Variants in LRRC37A3 observed in about 807,000 individuals in gnomAD.
LRRC37A3 encodes leucine-rich repeat-containing protein 37A3.
In LRRC37A3, 25 loss-of-function variants were observed where a neutral mutation model predicts 106.2. That is an observed-to-expected ratio of 0.24 (90% CI 0.17 to 0.33). The LOEUF (loss-of-function observed/expected upper bound fraction) is 0.33, where lower values mean the gene tolerates loss of function less well. Among genes scored for constraint, LRRC37A3 ranks in the 10% least tolerant of loss-of-function variants. The probability of loss-of-function intolerance (pLI) is 1.00; values close to 1 mark genes in which losing one functional copy is unlikely to be tolerated. For synonymous variants in LRRC37A3, 305 were observed against 635.8 expected (o/e 0.48, Z 7.83); for missense variants, 712 against 1,644.9 (o/e 0.43, Z 9.81).
Position 64,854,454 on chromosome 17 carries a change from C to T in LRRC37A3, c.*145G>A, listed in dbSNP as rs1002710477. ...CTGGGTGACTAATTAGACTGGGAAA[C>T]AAGGGCAGGAACGATGGCCCTGTGC... On this transcript the variant is annotated 3_prime_UTR_variant, in exon 15 of 15. Coordinates refer to ENST00000584306, the MANE Select transcript of LRRC37A3 (RefSeq NM_199340.5). 12 of 1,173,410 alleles carry T rather than the reference C, an allele frequency of 1.0e-5. No individual in the cohort carries two copies. The highest frequency in any genetic ancestry group is 1.6e-5 in the African/African-American group (1 of 64,484). 72.7% of individuals were successfully genotyped at this position (1,173,410 alleles called of 1,614,324 possible).
At position 64,871,680 on chromosome 17, in the gene LRRC37A3, C is replaced by A. The variant is rs1190759255; in HGVS notation, c.2907-2514G>T. 4 of 152,104 alleles carry A rather than the reference C, an allele frequency of 2.6e-5. No individual in the cohort carries two copies. In the East Asian group the frequency reaches 5.8e-4, roughly 22 times the overall value. The allele number at this position is 152,104 out of a possible 1,614,324, so 9.4% of individuals were successfully genotyped here. A position where few individuals can be genotyped will look rare whatever the true frequency, so the allele number is the denominator to read the frequency against. On this transcript the variant is annotated intron_variant, in intron 8 of 14. Coordinates refer to ENST00000584306, the MANE Select transcript of LRRC37A3 (RefSeq NM_199340.5). Reference sequence around the variant, plus strand: ...CACCATACTGATGCTGAACTTAGTGCGGACACCCAATCAGCATAGCATGCT... The same window carrying A: ...CACCATACTGATGCTGAACTTAGTGAGGACACCCAATCAGCATAGCATGCT...
At chr17:64,870,257 T>A (rs1188982661) in intron 8 of LRRC37A3, among the ~76,000 whole-genome samples, 1 of 151,938 alleles carries the variant, frequency 6.6e-6, no homozygotes, top group African/African-American at 2.4e-5. Context: ...TGCCCTGTCA[T>A]CCCCGTGCCT....
At chr17:64,855,610 A>G (rs924544394) in intron 14 of LRRC37A3, among the ~76,000 whole-genome samples, 9 of 151,146 alleles carry the variant, frequency 6.0e-5, no homozygotes, top group African/African-American at 2.2e-4. Context: ...ATGAGGGCAG[A>G]GTTCTAAGCC....
In LRRC37A3 at chr17:64,854,542, G is replaced by A. The variant is rs1972610342; in HGVS notation, c.*57C>T. 3.7e-6 allele frequency: 6 copies of A among 1,612,290 alleles called. No homozygotes were observed. The South Asian group carries it at 6.6e-5, about 18-fold the overall frequency. On this transcript the variant is annotated 3_prime_UTR_variant, in exon 15 of 15. Coordinates refer to ENST00000584306, the MANE Select transcript of LRRC37A3 (RefSeq NM_199340.5). ...TGGCTTCAGTCCTGCTTTTTTGATG[G>A]CCGTTGTTTACGCTATGTATTTTTG...
Position 64,860,955 on chromosome 17 carries a change from C to T in LRRC37A3, c.3191G>A (p.Gly1064Glu). The T allele has an allele frequency of 6.2e-7, 1 of 1,613,916 alleles. No individual in the cohort carries two copies. Among genetic ancestry groups the T allele is most frequent in the Non-Finnish European group, 8.5e-7 (1 of 1,179,896 alleles). ...TTHCPEEASV[G>E]NPEGAFMKVL... The stretch of plus-strand genomic sequence containing the variant: ...CTTCATGAACGCTCCTTCTGGATTC[C>T]CTACAGATGCTTCTTCAGCTGTCAA... Residue 1064 changes from glycine (G) to glutamate (E), a missense_variant, in exon 12 of 15, where the codon GGG becomes GAG. By Grantham distance (98) the Gly-to-Glu change is moderately conservative (BLOSUM62 -2). Transcript: ENST00000584306.
At chr17:64,861,446 G>A (rs1422346834) in intron 11 of LRRC37A3, among the ~76,000 whole-genome samples, 2 of 152,196 alleles carry the variant, frequency 1.3e-5, no homozygotes, top group Admixed American at 1.3e-4. Context: ...GCGGTCCTCT[G>A]AGAGGAGCAG....
chr17:64,864,684 CA>C (rs754956461), intron 10 of LRRC37A3, among the ~76,000 whole-genome samples: 10 of 151,548 alleles, frequency 6.6e-5, no homozygotes, highest in Non-Finnish European at 1.0e-4. Flanking sequence ...TGAATTTGGG[CA>C]AATTGTTTAA....
Position 64,859,782 on chromosome 17 carries a change from G to A in LRRC37A3, c.4364C>T (p.Ser1455Phe), listed in dbSNP as rs1383276327. ...WEYNNVGTDL[S>F]PEPKSFNYPL... ...GTAATTGAAGCTTTTGGGCTCGGGG[G>A]ACAGGTCAGTGCCCACGTTGTTGTA... Residue 1455 changes from serine to phenylalanine, a missense_variant, in exon 12 of 15, where the codon TCC becomes TTC. Transcript: ENST00000584306. The A allele has an allele frequency of 2.5e-6, 4 of 1,612,264 alleles. No homozygotes were observed. In the African/African-American group the frequency reaches 4.0e-5, roughly 16 times the overall value.
intron 2 of LRRC37A3, chr17:64,909,805 G>A (rs1255258369): frequency 2.0e-5 from 3 of 152,152 alleles, no homozygotes; most frequent in African/African-American, 7.2e-5. Context: ...TGGTCTGCAT[G>A]AATTCTGAAG....
intron 2 of LRRC37A3, among the ~76,000 whole-genome samples, chr17:64,917,642 C>T (rs1198216513): frequency 6.6e-6 from 1 of 151,904 alleles, no homozygotes; most frequent in East Asian, 1.9e-4. Flanking sequence ...GCACTGTACA[C>T]GTATAAACTA....
intron 8 of LRRC37A3, among the ~76,000 whole-genome samples, chr17:64,875,193 C>G (rs1973469410): frequency 6.6e-6 from 1 of 152,174 alleles, no homozygotes; most frequent in Non-Finnish European, 1.5e-5. Context: ...GACAGCATTG[C>G]TTAAGCCTGG....
chr17:64,866,613 TATATATATATATA>T (rs1176213293), intron 10 of LRRC37A3, among the ~76,000 whole-genome samples: 14 of 22,434 alleles, frequency 6.2e-4, no homozygotes, highest in African/African-American at 2.6e-3. Flanking sequence ...TATATATATA[TATATATATATATA>T]TATTTTTTTT....
chr17:64,882,787 T>C (rs1409317455), intron 8 of LRRC37A3, among the ~76,000 whole-genome samples: 1 of 152,182 alleles, frequency 6.6e-6, no homozygotes, highest in Non-Finnish European at 1.5e-5. Flanking sequence ...GATTTTCCTC[T>C]TATTCTTAGT....
At chr17:64,903,597 G>A (rs2143597919) in intron 2 of LRRC37A3, among the ~76,000 whole-genome samples, 1 of 128,000 alleles carries the variant, frequency 7.8e-6, no homozygotes, top group East Asian at 2.6e-4. Flanking sequence ...ACTCCAGCCT[G>A]GGCGACAGAG....
At chr17:64,875,879 G>A (rs1157263595) in intron 8 of LRRC37A3, among the ~76,000 whole-genome samples, 1 of 152,102 alleles carries the variant, frequency 6.6e-6, no homozygotes, top group African/African-American at 2.4e-5. Flanking sequence ...AAGATGTAAT[G>A]TGTGACAATA....
chr17:64,880,144 T>G (rs1412197376), intron 8 of LRRC37A3, among the ~76,000 whole-genome samples: 14 of 151,912 alleles, frequency 9.2e-5, no homozygotes, highest in African/African-American at 2.9e-4. Context: ...ATTATCCTAT[T>G]TTCCTCCTGT....
At chr17:64,878,267 A>T (rs1973580345) in intron 8 of LRRC37A3, among the ~76,000 whole-genome samples, 1 of 152,236 alleles carries the variant, frequency 6.6e-6, no homozygotes, top group Non-Finnish European at 1.5e-5. Context: ...CTTTTTAAAG[A>T]AGAATAAGAC....
chr17:64,916,058 C>A (rs1327702292), intron 2 of LRRC37A3, among the ~76,000 whole-genome samples: 1 of 151,874 alleles, frequency 6.6e-6, no homozygotes. Flanking sequence ...CTGCAGTGAG[C>A]CAAGATCATG....
chr17:64,858,915 C>A (rs945509183), intron 12 of LRRC37A3, 32 bp from the exon 13 acceptor site: 20 of 1,408,964 alleles, frequency 1.4e-5, no homozygotes, highest in Non-Finnish European at 1.9e-5. Flanking sequence ...TGAGAGCTAA[C>A]TATTCAAAAC....
Sources: allele counts gnomAD v4.1 joint callset (sites outside exome capture counted in the v4.1 genomes callset), GRCh38; gene constraint gnomAD v4.1.1; transcripts MANE v1.5; gene names NCBI Gene and HGNC (gene_info 2026-07-23, HGNC 2026-07-21).